The following CHN1 variants were observed in gnomAD, a reference collection of about 807,000 sequenced individuals.
The protein encoded by CHN1 is chimerin 1, also known as N-chimaerin.
In CHN1, 37 loss-of-function variants were observed where a neutral mutation model predicts 59.5. That is an observed-to-expected ratio of 0.62 (90% CI 0.48 to 0.82). CHN1 has a LOEUF of 0.82. CHN1 is among the 40% of genes least tolerant of loss of function. CHN1 has a pLI of 0.00. For synonymous variants in CHN1, 206 were observed against 200.4 expected (o/e 1.03, Z -0.24); for missense variants, 469 against 571.0 (o/e 0.82, Z 1.82).
At chr2:174,897,129 A>G (rs1330895063) in intron 5 of CHN1, among the ~76,000 whole-genome samples, 2 of 152,144 alleles carry the variant, frequency 1.3e-5, no homozygotes, top group African/African-American at 2.4e-5. Context: ...CTGGATAACC[A>G]TTTGCAACCT....
chr2:174,803,496 C>A (rs1684793501), intron 11 of CHN1, among the ~76,000 whole-genome samples: 1 of 152,206 alleles, frequency 6.6e-6, no homozygotes, highest in Non-Finnish European at 1.5e-5. Context: ...AGCTCAGATA[C>A]TGAAATTTAA....
intron 6 of CHN1, among the ~76,000 whole-genome samples, chr2:174,855,753 G>T (rs1172881810): frequency 6.6e-6 from 1 of 152,040 alleles, no homozygotes; most frequent in East Asian, 1.9e-4. Context: ...TTTTATAGAT[G>T]AGAATTGTAT....
chr2:174,992,630 C>A (rs529431213), intron 1 of CHN1, among the ~76,000 whole-genome samples: 2 of 152,326 alleles, frequency 1.3e-5, no homozygotes, highest in East Asian at 3.9e-4. Context: ...TATAAGATGA[C>A]ACTTGTGACA....
intron 1 of CHN1, 143 bp from the exon 2 acceptor site, chr2:174,952,345 T>G: frequency 2.2e-6 from 1 of 451,242 alleles, no homozygotes; most frequent in Non-Finnish European, 3.9e-6. Context: ...ATTCAAGGGT[T>G]TTTTTTTAGT....
At chr2:174,853,013 A>C (rs1341547789) in intron 6 of CHN1, among the ~76,000 whole-genome samples, 1 of 152,164 alleles carries the variant, frequency 6.6e-6, no homozygotes, top group African/African-American at 2.4e-5. Flanking sequence ...CCTAGGAAAT[A>C]CCCTTTTTCG....
chr2:174,828,371 G>A (rs1041625930), intron 7 of CHN1, among the ~76,000 whole-genome samples: 2 of 152,172 alleles, frequency 1.3e-5, no homozygotes, highest in African/African-American at 4.8e-5. Flanking sequence ...TTCTTTTTAC[G>A]TGCGTCGTTA....
intron 5 of CHN1, among the ~76,000 whole-genome samples, chr2:174,891,959 AT>A (rs1688065823): frequency 1.3e-5 from 2 of 152,222 alleles, no homozygotes; most frequent in Admixed American, 1.3e-4. Context: ...AGTAAAAGAA[AT>A]TACTATGAAT....
Position 174,944,907 on chromosome 2 carries a change from C to A in CHN1, c.95G>T (p.Arg32Ile). ...QLQQEAPHPRRITCTCEVENR... is the reference protein window; with the variant it reads ...QLQQEAPHPRIITCTCEVENR... ...ACCCACCTCGCAAGTACAGGTAATT[C>A]TTCGAGGATGAGGGGCTTCCTGTTG... Residue 32 changes from arginine (R) to isoleucine (I), a missense_variant, in exon 3 of 13, where the codon AGA (arginine) becomes ATA (isoleucine). Transcript: ENST00000409900. 3 of 1,582,788 alleles carry A rather than the reference C, an allele frequency of 1.9e-6. No individual in the cohort carries two copies. Among genetic ancestry groups the A allele is most frequent in the Non-Finnish European group, 2.6e-6 (3 of 1,162,844 alleles).
intron 1 of CHN1, among the ~76,000 whole-genome samples, chr2:174,997,326 C>A (rs60960045): frequency 0.015 from 2,353 of 152,266 alleles, 74 homozygotes; most frequent in African/African-American, 0.054. Flanking sequence ...CTCTTACAAG[C>A]CTTCTTAGTA....
At chr2:174,846,742 G>A (rs1224093936) in intron 7 of CHN1, 138 bp downstream of exon 7, 2 of 949,644 alleles carry the variant, frequency 2.1e-6, no homozygotes, top group Non-Finnish European at 3.0e-6. Context: ...AAATCAGGCT[G>A]AAAACATCTC....
intron 8 of CHN1, among the ~76,000 whole-genome samples, chr2:174,816,499 C>T (rs1210865157): frequency 2.0e-5 from 3 of 152,168 alleles, no homozygotes; most frequent in Admixed American, 6.5e-5. Context: ...TTTCCCACTG[C>T]GTTAGCTAGA....
intron 5 of CHN1, among the ~76,000 whole-genome samples, chr2:174,912,803 T>C (rs1448187204): frequency 6.6e-6 from 1 of 152,220 alleles, no homozygotes; most frequent in Non-Finnish European, 1.5e-5. Context: ...TCAATGTATA[T>C]TGTGAGTAAA....
chr2:174,989,128 A>G (rs1262098936), intron 1 of CHN1, among the ~76,000 whole-genome samples: 1 of 151,388 alleles, frequency 6.6e-6, no homozygotes, highest in Non-Finnish European at 1.5e-5. Flanking sequence ...CTGTAATCCC[A>G]GCATTTAGGG....
At chr2:174,837,222 C>T (rs941016502) in intron 7 of CHN1, 1 of 152,172 alleles carries the variant, frequency 6.6e-6, no homozygotes, top group Non-Finnish European at 1.5e-5. Flanking sequence ...CAAATTAGCA[C>T]ACCCCCTAGA....
chr2:174,997,619 A>AC (rs1691748052), intron 1 of CHN1, among the ~76,000 whole-genome samples: 1 of 152,186 alleles, frequency 6.6e-6, no homozygotes, highest in South Asian at 2.1e-4. Context: ...ATGGACATCC[A>AC]CACCACTCAC....
chr2:174,940,986 A>G lies in CHN1; in HGVS notation c.114+3902T>C, dbSNP rs543010623. Reference sequence around the variant, plus strand: ...CATTTCTTCTGTAAAGAACAACTGTATATTTCCCCATTTTTTCTCTTTGTA... The same window carrying G: ...CATTTCTTCTGTAAAGAACAACTGTGTATTTCCCCATTTTTTCTCTTTGTA... On this transcript the variant is annotated intron_variant, in intron 3 of 12. Transcript: ENST00000409900. 5.3e-5 allele frequency among the ~76,000 whole-genome samples: 8 copies of G among 152,214 alleles called. No individual in the cohort carries two copies. The South Asian group carries it at 1.5e-3, about 28-fold the overall frequency.
At chr2:175,001,359 C>A (rs2105475202) in intron 1 of CHN1, among the ~76,000 whole-genome samples, 1 of 152,306 alleles carries the variant, frequency 6.6e-6, no homozygotes, top group East Asian at 1.9e-4. Flanking sequence ...AATTTCAGGA[C>A]ATTCCTATGG....
intron 1 of CHN1, among the ~76,000 whole-genome samples, chr2:174,966,896 T>C (rs1193150174): frequency 6.6e-6 from 1 of 152,150 alleles, no homozygotes; most frequent in East Asian, 1.9e-4. Context: ...ATCTCAGCAT[T>C]CCCAACTGGT....
intron 7 of CHN1, among the ~76,000 whole-genome samples, chr2:174,826,836 G>A (rs980837959): frequency 6.6e-6 from 1 of 152,166 alleles, no homozygotes; most frequent in Non-Finnish European, 1.5e-5. Flanking sequence ...GGTTACACAT[G>A]TATCTCAGAA....
Sources: allele counts gnomAD v4.1 joint callset (sites outside exome capture counted in the v4.1 genomes callset), GRCh38; gene constraint gnomAD v4.1.1; transcripts MANE v1.5; gene names NCBI Gene and HGNC (gene_info 2026-07-23, HGNC 2026-07-21).